Variants in SNX29 observed in about 807,000 individuals in gnomAD.
SNX29 encodes the protein sorting nexin-29.
Under a neutral mutation model 102.1 loss-of-function variants are expected in SNX29, and 78 were observed. That is an observed-to-expected ratio of 0.76 (90% CI 0.64 to 0.92). The LOEUF is 0.92. Among genes scored for constraint, SNX29 ranks in the 40% least tolerant of loss-of-function variants. SNX29 has a pLI of 0.00. For missense variants in SNX29, 1,280 were observed against 1,061.7 expected (o/e 1.21, Z -2.86); for synonymous variants, 580 against 414.5 (o/e 1.40, Z -4.85).
chr16:12,555,554 T>TGA (rs1321686826), intron 20 of SNX29, among the ~76,000 whole-genome samples: 1 of 150,540 alleles, frequency 6.6e-6, no homozygotes, highest in Non-Finnish European at 1.5e-5. Flanking sequence ...ACCGTGGGTT[T>TGA]GAGCACCCTC....
intron 20 of SNX29, among the ~76,000 whole-genome samples, chr16:12,555,124 AG>A (rs1271631764): frequency 8.5e-6 from 1 of 118,108 alleles, no homozygotes; most frequent in Non-Finnish European, 2.3e-5. Flanking sequence ...GAGTATCAAA[AG>A]GCTTATTCTC....
At chr16:12,377,488 C>G (rs182207542) in intron 16 of SNX29, among the ~76,000 whole-genome samples, 1 of 152,268 alleles carries the variant, frequency 6.6e-6, no homozygotes, top group African/African-American at 2.4e-5. Flanking sequence ...ACAGACACAT[C>G]TAACTGCAGG....
intron 14 of SNX29, among the ~76,000 whole-genome samples, chr16:12,219,549 G>A (rs1487283130): frequency 1.3e-5 from 2 of 152,172 alleles, no homozygotes; most frequent in South Asian, 4.1e-4. Flanking sequence ...GTAGAAAGGG[G>A]TAATATTCTG....
At chr16:12,506,891 C>T (rs941141567) in intron 19 of SNX29, among the ~76,000 whole-genome samples, 9 of 143,756 alleles carry the variant, frequency 6.3e-5, no homozygotes, top group African/African-American at 1.0e-4. Flanking sequence ...TTGTCCTTAA[C>T]GCAGTGTGTA....
chr16:12,317,206 G>A (rs1452988105), intron 15 of SNX29, among the ~76,000 whole-genome samples: 1 of 152,170 alleles, frequency 6.6e-6, no homozygotes, highest in Non-Finnish European at 1.5e-5. Flanking sequence ...CTGCTCCAGT[G>A]CCCATGCATG....
rs560475656 is a variant in SNX29, at chr16:12,061,764, G to A, written c.1243+118G>A. Reference sequence around the variant, plus strand: ...GGAGCCGGGAGGCACGGGAGTCGGGGTGTGGTTCAGGGCCAGGGGGAGCTC... The same window carrying A: ...GGAGCCGGGAGGCACGGGAGTCGGGATGTGGTTCAGGGCCAGGGGGAGCTC... On this transcript the variant is annotated intron_variant, in intron 9 of 20. Coordinates refer to ENST00000566228, the MANE Select transcript of SNX29 (RefSeq NM_032167.5). 7.1e-6 allele frequency: 6 copies of A among 843,654 alleles called. No homozygotes were observed. In the Admixed American group the frequency reaches 1.4e-4, roughly 19 times the overall value. The allele number at this position is 843,654 out of a possible 1,614,324, so 52.3% of individuals were successfully genotyped here.
rs991828743 is a variant in SNX29, at chr16:12,573,931, C to A, written c.*5302C>A. The A allele has an allele frequency of 2.5e-5, 5 of 201,856 alleles. No homozygotes were observed. The East Asian group carries it at 3.8e-4, about 15-fold the overall frequency. The allele number at this position is 201,856 out of a possible 1,614,324, so 12.5% of individuals were successfully genotyped here. A position where few individuals can be genotyped will look rare whatever the true frequency, so the allele number is the denominator to read the frequency against. The stretch of plus-strand genomic sequence containing the variant: ...ACCTGACACCGACTTCTTAGAGAAG[C>A]GAGTCTTTTTTGAATGGAGGAGCGA... On this transcript the variant is annotated 3_prime_UTR_variant, in exon 21 of 21. Coordinates refer to ENST00000566228, the MANE Select transcript of SNX29 (RefSeq NM_032167.5).
chr16:12,410,274 G>A (rs1198569226), intron 18 of SNX29, among the ~76,000 whole-genome samples: 1 of 152,140 alleles, frequency 6.6e-6, no homozygotes, highest in Non-Finnish European at 1.5e-5. Context: ...GATTATAGGT[G>A]TGAGCCACTG....
intron 15 of SNX29, among the ~76,000 whole-genome samples, chr16:12,319,372 T>C (rs1464107763): frequency 6.6e-6 from 1 of 152,132 alleles, no homozygotes; most frequent in Non-Finnish European, 1.5e-5. Flanking sequence ...TGCATACCTG[T>C]AGTTCCAGCT....
rs114567844 is a variant in SNX29 at position 12,341,725 on chromosome 16, A to G, written c.1783-14438A>G. On this transcript the variant is annotated intron_variant, in intron 15 of 20. Coordinates refer to ENST00000566228, the MANE Select transcript of SNX29 (RefSeq NM_032167.5). The stretch of plus-strand genomic sequence containing the variant: ...CGCCAGCAGTCCTATGCTATGACTC[A>G]GAAGAAACATTTGTCACTTCCACCT... Among the ~76,000 whole-genome samples the G allele has an allele frequency of 2.6e-3, 396 of 152,306 alleles. 3 individuals are homozygous for G. Among genetic ancestry groups the G allele is most frequent in the African/African-American group, 8.7e-3 (362 of 41,584 alleles).
chr16:12,513,919 G>C (rs532254482), intron 19 of SNX29, among the ~76,000 whole-genome samples: 71 of 152,276 alleles, frequency 4.7e-4, no homozygotes, highest in Admixed American at 2.4e-3. Context: ...AATTGCTCTC[G>C]TCAGCTTCCC....
intron 14 of SNX29, among the ~76,000 whole-genome samples, chr16:12,263,805 T>C (rs2078848335): frequency 6.6e-6 from 1 of 152,214 alleles, no homozygotes; most frequent in Non-Finnish European, 1.5e-5. Context: ...CAGGCTCAAG[T>C]GAGGTATTGG....
intron 1 of SNX29, among the ~76,000 whole-genome samples, chr16:11,990,133 C>T (rs536537394): frequency 1.4e-4 from 22 of 152,322 alleles, no homozygotes; most frequent in African/African-American, 3.8e-4. Flanking sequence ...GAGGGTTAAA[C>T]GTATGTCTCA....
rs990865343 is a variant in SNX29, at chr16:12,570,764, G to C, written c.*2135G>C. ...CACGAGGAAGCACCTTGGACATTCT[G>C]CACATGATAATAATGCAACAGTCCC... On this transcript the variant is annotated 3_prime_UTR_variant, in exon 21 of 21. Coordinates refer to ENST00000566228, the MANE Select transcript of SNX29 (RefSeq NM_032167.5). The C allele has an allele frequency of 5.5e-4, 109 of 196,880 alleles. 1 individual carries two copies. The highest frequency in any genetic ancestry group is 3.0e-3 in the African/African-American group (97 of 31,904). The allele number at this position is 196,880 out of a possible 1,614,324, so 12.2% of individuals were successfully genotyped here. A position where few individuals can be genotyped will look rare whatever the true frequency, so the allele number is the denominator to read the frequency against.
chr16:12,314,873 A>G (rs1171199359), intron 15 of SNX29, among the ~76,000 whole-genome samples: 1 of 152,134 alleles, frequency 6.6e-6, no homozygotes, highest in Non-Finnish European at 1.5e-5. Context: ...GACACACACG[A>G]TGTTATTCTG....
At chr16:12,355,840 T>TA (rs1320822184) in intron 15 of SNX29, among the ~76,000 whole-genome samples, 1 of 49,366 alleles carries the variant, frequency 2.0e-5, no homozygotes, top group African/African-American at 8.8e-5. Context: ...AGCGAGATCT[T>TA]ATTAAAAAAA....
intron 14 of SNX29, among the ~76,000 whole-genome samples, chr16:12,211,257 A>G (rs993807729): frequency 7.2e-5 from 11 of 152,310 alleles, no homozygotes; most frequent in African/African-American, 2.6e-4. Context: ...GACACTAAAC[A>G]TATAAGCAAG....
At chr16:12,034,808 C>G (rs992496843) in intron 4 of SNX29, among the ~76,000 whole-genome samples, 3 of 152,072 alleles carry the variant, frequency 2.0e-5, no homozygotes, top group Middle Eastern at 3.2e-3. Flanking sequence ...GTCTGGAGTT[C>G]GAGACCAGCC....
chr16:12,380,980 TCCATCCATCCACCCACCCA>T (rs2083097377), intron 16 of SNX29, among the ~76,000 whole-genome samples: 1 of 52,828 alleles, frequency 1.9e-5, no homozygotes, highest in Non-Finnish European at 3.5e-5. Context: ...CCACCCACCA[TCCATCCATCCACCCACCCA>T]CCATCCATCC....
Sources: allele counts gnomAD v4.1 joint callset (sites outside exome capture counted in the v4.1 genomes callset), GRCh38; gene constraint gnomAD v4.1.1; transcripts MANE v1.5; gene names NCBI Gene and HGNC (gene_info 2026-07-23, HGNC 2026-07-21).